PTGES3: variants seen among roughly 807,000 people sequenced by gnomAD.
PTGES3 encodes the protein prostaglandin E synthase 3.
PTGES3 carries 5 observed loss-of-function variants against 29.9 expected under a neutral mutation model. The observed-to-expected ratio is 0.17, with a 90% CI of 0.09 to 0.35. The LOEUF is 0.35. PTGES3 is among the 10% of genes least tolerant of loss of function. The pLI is 1.00. For synonymous variants in PTGES3, 49 were observed against 57.8 expected (o/e 0.85, Z 0.69); for missense variants, 128 against 190.0 (o/e 0.67, Z 1.92).
At chr12:56,669,418 A>G (rs1951913551) in intron 5 of PTGES3, among the ~76,000 whole-genome samples, 1 of 151,872 alleles carries the variant, frequency 6.6e-6, no homozygotes, top group Non-Finnish European at 1.5e-5. Flanking sequence ...TGAGTAGCTG[A>G]GATTACAGGC....
At chr12:56,686,835 G>A (rs1357180446) in intron 1 of PTGES3, 2 of 397,988 alleles carry the variant, frequency 5.0e-6, no homozygotes, top group Admixed American at 4.4e-5. Flanking sequence ...CTCAGCCTCA[G>A]TATCATGACT....
At chr12:56,679,331 C>T (rs939396707) in intron 1 of PTGES3, among the ~76,000 whole-genome samples, 2 of 141,364 alleles carry the variant, frequency 1.4e-5, no homozygotes, top group Non-Finnish European at 1.5e-5. Context: ...CGGTTGAACC[C>T]AGGAGGCGGA....
chr12:56,666,157 T>C (rs1951777220), intron 6 of PTGES3, 47 bp downstream of exon 6: 1 of 1,536,060 alleles, frequency 6.5e-7, no homozygotes, highest in Non-Finnish European at 8.8e-7. Flanking sequence ...TGTTTCTTAC[T>C]ATTTAATAGT....
At chr12:56,666,549 C>T (rs1005740605) in intron 5 of PTGES3, among the ~76,000 whole-genome samples, 5 of 152,128 alleles carry the variant, frequency 3.3e-5, no homozygotes, top group African/African-American at 1.2e-4. Context: ...TAGTGGTTAC[C>T]TCTGGTGGTT....
intron 1 of PTGES3, among the ~76,000 whole-genome samples, chr12:56,683,944 C>T (rs1316308999): frequency 5.2e-5 from 7 of 133,684 alleles, no homozygotes; most frequent in African/African-American, 1.4e-4. Flanking sequence ...TGGGCGACAG[C>T]GAAACTCCGT....
In PTGES3 at chr12:56,688,005, A is replaced by T. The variant is rs1049531053; in HGVS notation, c.-6T>A. 1.9e-6 allele frequency: 3 copies of T among 1,591,070 alleles called. No individual in the cohort carries two copies. In the African/African-American group the frequency reaches 4.1e-5, roughly 22 times the overall value. On this transcript the variant is annotated 5_prime_UTR_variant, in exon 1 of 8. Coordinates refer to ENST00000262033, the MANE Select transcript of PTGES3 (RefSeq NM_006601.7). ...GCGGGGTGTCGCACTCACATTGTGA[A>T]CGGGGCAGGGGGACGGGCGAACTGG...
chr12:56,668,379 G>T (rs1226714564), intron 5 of PTGES3, among the ~76,000 whole-genome samples: 2 of 152,156 alleles, frequency 1.3e-5, no homozygotes, highest in African/African-American at 4.8e-5. Context: ...CAAGAGATAT[G>T]TAAGAGATAA....
chr12:56,674,999 G>A (rs7975783), intron 1 of PTGES3, among the ~76,000 whole-genome samples: 2,010 of 108,634 alleles, frequency 0.019, 47 homozygotes, highest in Middle Eastern at 0.029. Context: ...AGTGAAACTC[G>A]GTCTCAAAAA....
At chr12:56,684,542 A>AT (rs1952734034) in intron 1 of PTGES3, among the ~76,000 whole-genome samples, 1 of 152,240 alleles carries the variant, frequency 6.6e-6, no homozygotes, top group African/African-American at 2.4e-5. Flanking sequence ...TGACAGGAAG[A>AT]TTTTTACCAA....
intron 6 of PTGES3, 197 bp downstream of exon 6, chr12:56,666,007 G>T: frequency 7.5e-7 from 1 of 1,338,066 alleles, no homozygotes. Flanking sequence ...TTTAGGAATG[G>T]TCTACGGTAC....
intron 1 of PTGES3, among the ~76,000 whole-genome samples, chr12:56,677,217 C>T (rs1012013167): frequency 1.3e-5 from 2 of 148,846 alleles, no homozygotes; most frequent in Non-Finnish European, 3.0e-5. Context: ...CTAGCCTGGG[C>T]GACAGAGTGA....
In PTGES3 at chr12:56,664,399, A is replaced by C; in HGVS notation, c.*80T>G. Reference sequence around the variant, plus strand: ...CAGCATATCTGCCTTTAGAGCTATCAACTCAGGAATTCTCTCAATTATGAA... The same window carrying C: ...CAGCATATCTGCCTTTAGAGCTATCCACTCAGGAATTCTCTCAATTATGAA... On this transcript the variant is annotated 3_prime_UTR_variant, in exon 8 of 8. Transcript: ENST00000262033. 1 of 1,525,720 alleles carries C rather than the reference A, an allele frequency of 6.6e-7. No individual in the cohort carries two copies. The highest frequency in any genetic ancestry group is 1.4e-5 in the African/African-American group (1 of 72,610). 94.5% of individuals were successfully genotyped at this position (1,525,720 alleles called of 1,614,324 possible). A position where few individuals can be genotyped will look rare whatever the true frequency, so the allele number is the denominator to read the frequency against.
chr12:56,679,018 T>C (rs77469257), intron 1 of PTGES3, among the ~76,000 whole-genome samples: 77 of 152,160 alleles, frequency 5.1e-4, no homozygotes, highest in African/African-American at 1.6e-3. Context: ...TGGGGGGCAC[T>C]GAGGTGGGAG....
At chr12:56,666,594 G>A (rs948070812) in intron 5 of PTGES3, among the ~76,000 whole-genome samples, 6 of 152,110 alleles carry the variant, frequency 3.9e-5, no homozygotes, top group Admixed American at 3.3e-4. Flanking sequence ...TAGTTGCACA[G>A]CTATCTATCT....
chr12:56,686,204 G>A (rs1464291638), intron 1 of PTGES3, among the ~76,000 whole-genome samples: 1 of 151,964 alleles, frequency 6.6e-6, no homozygotes, highest in African/African-American at 2.4e-5. Context: ...TACTTTTCGC[G>A]AAAAGATATG....
intron 1 of PTGES3, among the ~76,000 whole-genome samples, chr12:56,679,111 T>C (rs982948384): frequency 6.6e-6 from 1 of 152,044 alleles, no homozygotes; most frequent in Non-Finnish European, 1.5e-5. Context: ...AGCAAGACCC[T>C]GACTTAGAGA....
chr12:56,683,741 C>G lies in PTGES3; in HGVS notation c.2+4257G>C, dbSNP rs375761293. Among the ~76,000 whole-genome samples, 48 of 151,754 alleles carry G rather than the reference C, an allele frequency of 3.2e-4. No homozygotes were observed. In the East Asian group the frequency reaches 6.4e-3, roughly 20 times the overall value. On this transcript the variant is annotated intron_variant, in intron 1 of 7. Coordinates refer to ENST00000262033, the MANE Select transcript of PTGES3 (RefSeq NM_006601.7). ...TTGGGAGGCCGAGGCAGGCGGATCA[C>G]GAGATCAGGAGATCGAGACCATTCT...
At chr12:56,682,872 T>C (rs1952614864) in intron 1 of PTGES3, among the ~76,000 whole-genome samples, 1 of 152,028 alleles carries the variant, frequency 6.6e-6, no homozygotes, top group South Asian at 2.1e-4. Flanking sequence ...CACATGCCTG[T>C]AGTCCCAGCT....
rs1420070182 is a variant in PTGES3, at chr12:56,664,193, TCG to T, written c.*284_*285del. The T allele has an allele frequency of 5.1e-4, 142 of 275,940 alleles. 3 individuals carry two copies. The highest frequency in any genetic ancestry group is 2.2e-4 in the Non-Finnish European group (32 of 143,342). The allele number at this position is 275,940 out of a possible 1,614,324, so 17.1% of individuals were successfully genotyped here. ...GACTTAGGTGAGATGTTTTTATTTATCGCAACTGCTGCATTAATTGCCTAGGA... is the reference window on the plus strand; with the variant it reads ...GACTTAGGTGAGATGTTTTTATTTATCAACTGCTGCATTAATTGCCTAGGA... On this transcript the variant is annotated 3_prime_UTR_variant, in exon 8 of 8. Coordinates refer to ENST00000262033, the MANE Select transcript of PTGES3 (RefSeq NM_006601.7).
Sources: gnomAD v4.1 joint callset for allele counts (sites outside exome capture counted in the v4.1 genomes callset) on GRCh38, gnomAD v4.1.1 for gene constraint, MANE v1.5 for transcripts, NCBI Gene and HGNC (gene_info 2026-07-23, HGNC 2026-07-21) for gene names.